The following TAF4B variants were observed in gnomAD, a reference collection of about 807,000 sequenced individuals.
The protein encoded by TAF4B is transcription initiation factor TFIID subunit 4B.
A neutral mutation model predicts 86.4 loss-of-function variants in TAF4B; 38 were observed. The ratio of observed to expected loss-of-function variants is 0.44; its 90% CI spans 0.34 to 0.58. TAF4B has a LOEUF of 0.58. TAF4B is among the 20% of genes least tolerant of loss of function. The pLI is 0.02. For missense variants in TAF4B, 988 were observed against 1,027.6 expected, an observed-to-expected ratio of 0.96 and a Z score of 0.53; for synonymous variants, 388 against 391.2, an observed-to-expected ratio of 0.99 and a Z score of 0.10.
chr18:26,231,988 G>A (rs12961933), intron 1 of TAF4B, among the ~76,000 whole-genome samples: 31,388 of 152,016 alleles, frequency 0.21, 4,014 homozygotes, highest in Non-Finnish European at 0.29. Flanking sequence ...GGATCCTGCT[G>A]ATTGGTGCAT....
chr18:26,276,486 T>C (rs2056386242), intron 5 of TAF4B, among the ~76,000 whole-genome samples: 1 of 152,180 alleles, frequency 6.6e-6, no homozygotes, highest in Non-Finnish European at 1.5e-5. Context: ...AAATTATCCC[T>C]TTTTCCAAGT....
chr18:26,386,070 T>C (rs1405276619), intron 14 of TAF4B, among the ~76,000 whole-genome samples: 1 of 152,206 alleles, frequency 6.6e-6, no homozygotes, highest in Admixed American at 6.5e-5. Context: ...GAGAATGCTA[T>C]CACCTTCATA....
At chr18:26,335,763 G>C (rs1238855981) in intron 13 of TAF4B, among the ~76,000 whole-genome samples, 1 of 152,136 alleles carries the variant, frequency 6.6e-6, no homozygotes, top group Non-Finnish European at 1.5e-5. Flanking sequence ...AGCTTAGACT[G>C]GTTAAGCTTT....
intron 13 of TAF4B, among the ~76,000 whole-genome samples, chr18:26,346,759 G>GTGTGTGTATATA (rs1202008455): frequency 3.7e-5 from 1 of 27,112 alleles, no homozygotes; most frequent in African/African-American, 9.3e-5. Flanking sequence ...ATATATGTGT[G>GTGTGTGTATATA]TATATATATA....
chr18:26,335,094 T>A (rs1447609921), intron 12 of TAF4B, 81 bp from the exon 13 acceptor site: 1 of 1,011,282 alleles, frequency 9.9e-7, no homozygotes, highest in Admixed American at 2.2e-5. Context: ...AAGAGAAAAT[T>A]GTCATTTATT....
intron 1 of TAF4B, among the ~76,000 whole-genome samples, chr18:26,230,330 A>G (rs1256268560): frequency 6.6e-6 from 1 of 152,198 alleles, no homozygotes; most frequent in Non-Finnish European, 1.5e-5. Context: ...ATGCTGAGAC[A>G]GGGCATAGAA....
rs181393662 is a variant in TAF4B, at chr18:26,348,169, C to T, written c.2317-9521C>T. Among the ~76,000 whole-genome samples, 9 of 152,272 alleles carry T rather than the reference C, an allele frequency of 5.9e-5. No homozygotes were observed. The East Asian group carries it at 1.7e-3, about 29-fold the overall frequency. ...TTCCAGTATTGACCATATGTTAGGA[C>T]ATAAAACAAGCCTCAAACATTTTAA... On this transcript the variant is annotated intron_variant, in intron 13 of 14. Transcript: ENST00000269142.
chr18:26,370,768 A>G (rs1349258420), intron 14 of TAF4B, among the ~76,000 whole-genome samples: 1 of 152,200 alleles, frequency 6.6e-6, no homozygotes, highest in Non-Finnish European at 1.5e-5. Flanking sequence ...GGACTCACCA[A>G]TAGAGATACT....
intron 9 of TAF4B, among the ~76,000 whole-genome samples, chr18:26,309,283 C>A (rs1343042733): frequency 2.2e-5 from 2 of 92,784 alleles, no homozygotes; most frequent in East Asian, 3.7e-4. Context: ...TTTTTTTTGC[C>A]AATGATAAAG....
At chr18:26,367,062 C>G (rs2057376682) in intron 14 of TAF4B, among the ~76,000 whole-genome samples, 1 of 152,142 alleles carries the variant, frequency 6.6e-6, no homozygotes, top group Non-Finnish European at 1.5e-5. Context: ...TTTAAGTACT[C>G]TAATAGGATC....
intron 3 of TAF4B, among the ~76,000 whole-genome samples, chr18:26,270,087 A>G (rs148096048): frequency 6.6e-6 from 1 of 152,290 alleles, no homozygotes; most frequent in East Asian, 1.9e-4. Context: ...ACAGGTTAAA[A>G]AAATATATTG....
At chr18:26,289,286 G>A (rs1016864756) in intron 7 of TAF4B, among the ~76,000 whole-genome samples, 1 of 152,070 alleles carries the variant, frequency 6.6e-6, no homozygotes, top group Non-Finnish European at 1.5e-5. Flanking sequence ...ATAAAATAAC[G>A]TATTCCATGC....
At chr18:26,307,953 T>TA (rs2056812987) in intron 9 of TAF4B, among the ~76,000 whole-genome samples, 1 of 151,958 alleles carries the variant, frequency 6.6e-6, no homozygotes, top group African/African-American at 2.4e-5. Flanking sequence ...CCACTAAAAA[T>TA]ACAAAAATGA....
intron 1 of TAF4B, among the ~76,000 whole-genome samples, chr18:26,260,802 C>G (rs549723464): frequency 2.0e-5 from 3 of 152,184 alleles, no homozygotes; most frequent in African/African-American, 7.2e-5. Flanking sequence ...ATATCTATCT[C>G]TAGTGATATT....
chr18:26,284,874 G>GA (rs1298722382), intron 6 of TAF4B, among the ~76,000 whole-genome samples: 1 of 152,046 alleles, frequency 6.6e-6, no homozygotes, highest in Non-Finnish European at 1.5e-5. Context: ...GTCTCAATAA[G>GA]AAAAAAGAAA....
chr18:26,270,468 T>C (rs993292814), intron 3 of TAF4B, among the ~76,000 whole-genome samples: 1 of 152,210 alleles, frequency 6.6e-6, no homozygotes, highest in Non-Finnish European at 1.5e-5. Flanking sequence ...ATATTTGTAG[T>C]TTTTAAAAAA....
chr18:26,284,139 T>A lies in TAF4B; in HGVS notation c.973-1743T>A, dbSNP rs546044968. ...TACTTGCAGCTTTACCTTGCACTTT[T>A]ATGTTAGTTATCAAGAGAGCTTCTT... On this transcript the variant is annotated intron_variant, in intron 6 of 14. Coordinates refer to ENST00000269142, the MANE Select transcript of TAF4B (RefSeq NM_005640.3). 5.3e-5 allele frequency among the ~76,000 whole-genome samples: 8 copies of A among 152,356 alleles called. No individual in the cohort carries two copies. In the East Asian group the frequency reaches 1.5e-3, roughly 29 times the overall value.
intron 1 of TAF4B, among the ~76,000 whole-genome samples, chr18:26,246,578 C>T (rs185781275): frequency 2.5e-4 from 38 of 151,710 alleles, no homozygotes; most frequent in East Asian, 1.2e-3. Flanking sequence ...CTGTCGCCCA[C>T]GCTGGAGTGC....
chr18:26,318,751 A>T (rs942009676), intron 10 of TAF4B, among the ~76,000 whole-genome samples: 2 of 152,218 alleles, frequency 1.3e-5, no homozygotes, highest in African/African-American at 4.8e-5. Flanking sequence ...TTTTATTACC[A>T]ATTTAGTGAA....
Sources: gnomAD v4.1 joint callset for allele counts (sites outside exome capture counted in the v4.1 genomes callset) on GRCh38, gnomAD v4.1.1 for gene constraint, MANE v1.5 for transcripts, NCBI Gene and HGNC (gene_info 2026-07-23, HGNC 2026-07-21) for gene names.